Variants in CASD1 observed in about 807,000 individuals in gnomAD.
The protein encoded by CASD1 is CAS1 domain sialic acid O acetyltransferase 1.
CASD1 carries 41 observed loss-of-function variants against 100.0 expected under a neutral mutation model. The observed-to-expected ratio is 0.41, with a 90% confidence interval of 0.32 to 0.53. The LOEUF (loss-of-function observed/expected upper bound fraction) is 0.53. CASD1 is among the 20% of genes least tolerant of loss of function. The pLI, the probability that CASD1 is intolerant of heterozygous loss-of-function variation, is 0.25. For synonymous variants in CASD1, 321 were observed against 315.6 expected (o/e 1.02, Z -0.18); for missense variants, 774 against 948.7 (o/e 0.82, Z 2.42).
Position 94,555,536 on chromosome 7 carries a change from G to A in CASD1, c.2172G>A (p.Arg724=). ...ACATATGGCTGGCAGCGGACACAAG[G>A]GGTATCTTGGTACTGATACCTGGAA... ...QYHIWLAADT[R]GILVLIPGNP... The change falls in exon 18 of 18, where the codon AGG becomes AGA. Residue 724 remains arginine (R), a synonymous_variant. Coordinates refer to ENST00000297273, the MANE Select transcript of CASD1 (RefSeq NM_022900.5). 6.2e-7 allele frequency: 1 copy of A among 1,613,080 alleles called. No individual in the cohort carries two copies. Among genetic ancestry groups the A allele is most frequent in the Non-Finnish European group, 8.5e-7 (1 of 1,179,480 alleles).
the CASD1 span, among the ~76,000 whole-genome samples, chr7:94,616,199 C>T: frequency 2.6e-5 from 4 of 152,090 alleles, no homozygotes; most frequent in Non-Finnish European, 4.4e-5. Flanking sequence ...GGCAGTAGAA[C>T]GGTAGTAGAT....
At chr7:94,616,747 C>CAA in the CASD1 span, 5 of 152,024 alleles carry the variant, frequency 3.3e-5, no homozygotes, top group Non-Finnish European at 5.9e-5. Context: ...TTTGCAGCGA[C>CAA]AAACTTTTTT....
chr7:94,554,342 C>T (rs1796100795), intron 16 of CASD1, 141 bp from the exon 17 acceptor site: 2 of 563,444 alleles, frequency 3.5e-6, no homozygotes, highest in African/African-American at 3.8e-5. Context: ...CTTTCTAATA[C>T]TTTTAGAATA....
intron 5 of CASD1, among the ~76,000 whole-genome samples, chr7:94,532,604 T>C (rs957749307): frequency 1.3e-5 from 2 of 152,210 alleles, no homozygotes; most frequent in Non-Finnish European, 2.9e-5. Flanking sequence ...CAGACCTCAA[T>C]TGACTATGGG....
At chr7:94,587,657 T>C in the CASD1 span, 427 of 1,499,092 alleles carry the variant, frequency 2.8e-4, 3 homozygotes, top group African/African-American at 4.9e-3. Context: ...CACATCAATA[T>C]ATTGAACAGT....
intron 10 of CASD1, among the ~76,000 whole-genome samples, chr7:94,543,315 T>A (rs970665194): frequency 1.3e-5 from 2 of 152,204 alleles, no homozygotes; most frequent in Non-Finnish European, 2.9e-5. Context: ...TTAATGTGTC[T>A]GCTCAATTAC....
chr7:94,512,173 T>G (rs1170298825), intron 1 of CASD1, among the ~76,000 whole-genome samples: 1 of 152,192 alleles, frequency 6.6e-6, no homozygotes, highest in African/African-American at 2.4e-5. Context: ...TGGCCAATCT[T>G]TTGGCTTCCG....
the CASD1 span, among the ~76,000 whole-genome samples, chr7:94,569,642 C>A: frequency 6.6e-6 from 1 of 151,778 alleles, no homozygotes; most frequent in African/African-American, 2.4e-5. Context: ...AGGAGTCTAT[C>A]TATGTTGTCC....
chr7:94,528,233 A>G lies in CASD1; in HGVS notation c.442A>G (p.Ile148Val). The change falls in exon 5 of 18, where the codon ATC (isoleucine) becomes GTC (valine). Residue 148 changes from isoleucine (I) to valine (V), a missense_variant. Physicochemically the swap from Ile to Val is conservative, Grantham distance 29 (BLOSUM62 3). Coordinates refer to ENST00000297273, the MANE Select transcript of CASD1 (RefSeq NM_022900.5). The stretch of plus-strand genomic sequence containing the variant: ...AGTTAATGGTTCTATGAAACAGTGT[A>G]TCAAAGTGTGGACTGAGGTCTGTAT... ...PEVNGSMKQC[I>V]KVWTEDSIAK... 1 of 1,605,040 alleles carries G rather than the reference A, an allele frequency of 6.2e-7. No individual in the cohort carries two copies. The highest frequency in any genetic ancestry group is 8.5e-7 in the Non-Finnish European group (1 of 1,175,890).
At chr7:94,529,499 G>A (rs1794744406) in intron 5 of CASD1, among the ~76,000 whole-genome samples, 2 of 152,132 alleles carry the variant, frequency 1.3e-5, no homozygotes, top group Admixed American at 1.3e-4. Flanking sequence ...GGTCACTTGA[G>A]ATTGATTAGT....
chr7:94,586,061 G>GAAAAAAAA, the CASD1 span, among the ~76,000 whole-genome samples: 310 of 28,892 alleles, frequency 0.011, 6 homozygotes, highest in East Asian at 0.019. Flanking sequence ...GGAACTAAAT[G>GAAAAAAAA]AAAAAAAAAA....
downstream of CASD1, among the ~76,000 whole-genome samples, chr7:94,561,386 A>G (rs567465281): frequency 3.8e-4 from 58 of 152,178 alleles, no homozygotes; most frequent in Non-Finnish European, 4.1e-4. Context: ...TACATAAATA[A>G]TTTAACTTGG....
intron 3 of CASD1, among the ~76,000 whole-genome samples, chr7:94,522,414 T>C (rs1180774407): frequency 6.6e-6 from 1 of 152,164 alleles, no homozygotes; most frequent in Non-Finnish European, 1.5e-5. Flanking sequence ...TCTAATAAAT[T>C]AGCCTTAAAA....
intron 14 of CASD1, among the ~76,000 whole-genome samples, chr7:94,550,292 A>G (rs556604705): frequency 2.6e-5 from 4 of 152,042 alleles, no homozygotes; most frequent in African/African-American, 9.6e-5. Context: ...CTTTTTTCCA[A>G]TAAATGTTTT....
chr7:94,544,735 T>A (rs1416643138), intron 11 of CASD1, among the ~76,000 whole-genome samples: 3 of 152,150 alleles, frequency 2.0e-5, no homozygotes, highest in Non-Finnish European at 2.9e-5. Flanking sequence ...TAATTTAATA[T>A]ATAATAAAAG....
chr7:94,537,800 T>C lies in CASD1; in HGVS notation c.1172T>C (p.Met391Thr), dbSNP rs1795192733. The C allele has an allele frequency of 1.2e-6, 2 of 1,611,012 alleles. No homozygotes were observed. Among genetic ancestry groups the C allele is most frequent in the African/African-American group, 1.3e-5 (1 of 74,844 alleles). ...ATGTGTGACCGTGCAAATCTGTTCA[T>C]GAAGGAAAACAAATTTTATACACAT... ...FYMCDRANLF[M>T]KENKFYTHSS... The change falls in exon 9 of 18, where the codon ATG (methionine) becomes ACG (threonine). Residue 391 changes from methionine (M) to threonine (T), a missense_variant. Coordinates refer to ENST00000297273, the MANE Select transcript of CASD1 (RefSeq NM_022900.5).
At chr7:94,552,028 A>G (rs1188854571) in intron 15 of CASD1, 2 of 238,720 alleles carry the variant, frequency 8.4e-6, no homozygotes, top group Non-Finnish European at 1.6e-5. Flanking sequence ...GCTCAATTAA[A>G]CGGGAATTTT....
At chr7:94,572,454 G>T in the CASD1 span, among the ~76,000 whole-genome samples, 596 of 152,074 alleles carry the variant, frequency 3.9e-3, no homozygotes, top group Admixed American at 7.0e-3. Flanking sequence ...AGTGATTTTT[G>T]TACATTCATC....
At chr7:94,627,598 G>A in the CASD1 span, 1 of 152,512 alleles carries the variant, frequency 6.6e-6, no homozygotes, top group Non-Finnish European at 1.5e-5. Flanking sequence ...TTGATGTGTT[G>A]TTTCCTCCGC....
Sources: allele counts gnomAD v4.1 joint callset (sites outside exome capture counted in the v4.1 genomes callset), GRCh38; gene constraint gnomAD v4.1.1; transcripts MANE v1.5; gene names NCBI Gene and HGNC (gene_info 2026-07-23, HGNC 2026-07-21).